Variants in SPATS2L observed in about 807,000 individuals in gnomAD.
SPATS2L encodes the protein SPATS2-like protein.
Under a neutral mutation model 59.6 loss-of-function variants are expected in SPATS2L, and 30 were observed. The ratio of observed to expected loss-of-function variants is 0.50; its 90% CI spans 0.38 to 0.68. The LOEUF (loss-of-function observed/expected upper bound fraction) is 0.68. SPATS2L is among the 30% of genes least tolerant of loss of function. The pLI is 0.00. For missense variants in SPATS2L, 615 were observed against 700.0 expected (o/e 0.88, Z 1.37); for synonymous variants, 252 against 263.5 (o/e 0.96, Z 0.42).
intron 1 of SPATS2L, among the ~76,000 whole-genome samples, chr2:200,313,833 A>G (rs2079273290): frequency 6.6e-6 from 1 of 152,060 alleles, no homozygotes; most frequent in African/African-American, 2.4e-5. Context: ...TCATTTCTTG[A>G]ACTTTGCACA....
rs553536582 is a variant in SPATS2L at position 200,367,427 on chromosome 2, G to T, written c.-22-21796G>T. Among the ~76,000 whole-genome samples the T allele has an allele frequency of 4.1e-3, 619 of 152,270 alleles. 2 individuals are homozygous for T. Among genetic ancestry groups the T allele is most frequent in the African/African-American group, 0.014 (594 of 41,558 alleles). On this transcript the variant is annotated intron_variant, in intron 2 of 12. Transcript: ENST00000409140. Reference sequence around the variant, plus strand: ...GGAAACAGCAAAGACAAATGGATTTGTTGTTTCTGTGAACACAAGTTATTC... The same window carrying T: ...GGAAACAGCAAAGACAAATGGATTTTTTGTTTCTGTGAACACAAGTTATTC...
chr2:200,437,589 T>C (rs2084388601), intron 6 of SPATS2L, among the ~76,000 whole-genome samples: 1 of 152,238 alleles, frequency 6.6e-6, no homozygotes, highest in Non-Finnish European at 1.5e-5. Context: ...ATACTACCAT[T>C]TGAATCTGTT....
chr2:200,316,705 T>C (rs3769476), intron 1 of SPATS2L, among the ~76,000 whole-genome samples: 59,986 of 151,996 alleles, frequency 0.39, 13,306 homozygotes, highest in East Asian at 0.73. Flanking sequence ...GGACCCCAAG[T>C]TGTCTTAGTT....
intron 2 of SPATS2L, among the ~76,000 whole-genome samples, chr2:200,333,302 A>C (rs2080017439): frequency 6.6e-6 from 1 of 150,814 alleles, no homozygotes; most frequent in African/African-American, 2.4e-5. Context: ...AAAGAGAGAG[A>C]GAGAAAGAAA....
At chr2:200,434,556 G>C (rs944556271) in intron 6 of SPATS2L, among the ~76,000 whole-genome samples, 2 of 151,942 alleles carry the variant, frequency 1.3e-5, no homozygotes, top group Non-Finnish European at 2.9e-5. Context: ...ATATTAAAAA[G>C]CATTTGTATT....
At chr2:200,328,850 T>C (rs1233165354) in intron 1 of SPATS2L, among the ~76,000 whole-genome samples, 1 of 152,220 alleles carries the variant, frequency 6.6e-6, no homozygotes, top group African/African-American at 2.4e-5. Context: ...GTGTACTTTA[T>C]AGGATATCTT....
At chr2:200,343,101 T>A (rs1381670996) in intron 2 of SPATS2L, among the ~76,000 whole-genome samples, 1 of 152,242 alleles carries the variant, frequency 6.6e-6, no homozygotes, top group African/African-American at 2.4e-5. Context: ...TGATCTGGCA[T>A]CTAATTGGGA....
intron 8 of SPATS2L, among the ~76,000 whole-genome samples, chr2:200,450,855 C>G (rs1293975256): frequency 6.6e-6 from 1 of 152,180 alleles, no homozygotes; most frequent in Non-Finnish European, 1.5e-5. Context: ...TCAACTCTAC[C>G]TGGCTCATTA....
At chr2:200,474,036 T>C (rs998589113) in intron 12 of SPATS2L, among the ~76,000 whole-genome samples, 1 of 151,208 alleles carries the variant, frequency 6.6e-6, no homozygotes, top group African/African-American at 2.4e-5. Flanking sequence ...GATCTGATGA[T>C]ATAGAAGTTG....
intron 2 of SPATS2L, among the ~76,000 whole-genome samples, chr2:200,372,498 A>G (rs1020463634): frequency 6.6e-6 from 1 of 152,092 alleles, no homozygotes; most frequent in Non-Finnish European, 1.5e-5. Context: ...GGGGAGCAAA[A>G]TTTAACGCAC....
intron 2 of SPATS2L, among the ~76,000 whole-genome samples, chr2:200,355,885 A>T (rs1559063274): frequency 6.6e-6 from 1 of 152,246 alleles, no homozygotes; most frequent in Non-Finnish European, 1.5e-5. Context: ...TCATAAGGAA[A>T]TAAAGAAGGT....
chr2:200,461,498 A>G (rs1267768349), intron 9 of SPATS2L, among the ~76,000 whole-genome samples: 1 of 152,226 alleles, frequency 6.6e-6, no homozygotes, highest in African/African-American at 2.4e-5. Context: ...TTCAACATCA[A>G]ACCACAAGTG....
intron 2 of SPATS2L, among the ~76,000 whole-genome samples, chr2:200,350,969 G>A (rs2080707619): frequency 1.3e-5 from 2 of 152,140 alleles, no homozygotes. Flanking sequence ...GGTGAAGCAA[G>A]TGAGGAATTA....
At chr2:200,419,152 C>T in intron 5 of SPATS2L, 98 bp from the exon 6 acceptor site, 2 of 1,268,118 alleles carry the variant, frequency 1.6e-6, no homozygotes, top group Non-Finnish European at 2.1e-6. Flanking sequence ...GAGCCAGGAA[C>T]CAAAAAAGAT....
At chr2:200,326,352 A>G (rs973178351) in intron 1 of SPATS2L, among the ~76,000 whole-genome samples, 2 of 152,268 alleles carry the variant, frequency 1.3e-5, no homozygotes, top group Admixed American at 1.3e-4. Context: ...TTAAAGTAGT[A>G]CATACTCACT....
chr2:200,350,467 A>T (rs1277554700), intron 2 of SPATS2L, among the ~76,000 whole-genome samples: 3 of 152,048 alleles, frequency 2.0e-5, no homozygotes, highest in Non-Finnish European at 2.9e-5. Context: ...TAGCCATTTT[A>T]AAAAATATAT....
intron 1 of SPATS2L, among the ~76,000 whole-genome samples, chr2:200,328,529 A>G (rs2079830041): frequency 6.6e-6 from 1 of 152,196 alleles, no homozygotes; most frequent in Non-Finnish European, 1.5e-5. Context: ...AAGGTCACCC[A>G]GAGAGTTGGT....
In SPATS2L at chr2:200,472,821, T is replaced by G. The variant is rs375894601; in HGVS notation, c.1061-11T>G. 1 of 1,613,226 alleles carries G rather than the reference T, an allele frequency of 6.2e-7. No homozygotes were observed. The highest frequency in any genetic ancestry group is 1.3e-5 in the African/African-American group (1 of 75,024). The stretch of plus-strand genomic sequence containing the variant: ...GTGCAGCTCGTAACACTGAGCACTT[T>G]ATTATTGCAGTTACACATCCAAAGA... On this transcript the variant is annotated splice_polypyrimidine_tract_variant and intron_variant, in intron 11 of 12. Coordinates refer to ENST00000409140, the MANE Select transcript of SPATS2L (RefSeq NM_001100423.2).
At chr2:200,380,994 C>T (rs1005401228) in intron 2 of SPATS2L, among the ~76,000 whole-genome samples, 2 of 152,072 alleles carry the variant, frequency 1.3e-5, no homozygotes, top group African/African-American at 4.8e-5. Flanking sequence ...AGCAAAAACA[C>T]TTGAAATATA....
Sources: allele counts gnomAD v4.1 joint callset (sites outside exome capture counted in the v4.1 genomes callset), GRCh38; gene constraint gnomAD v4.1.1; transcripts MANE v1.5; gene names NCBI Gene and HGNC (gene_info 2026-07-23, HGNC 2026-07-21).